Variants in SGPP2 observed in about 807,000 individuals in gnomAD.
SGPP2 encodes sphingosine 1-phosphate phosphohydrolase 2.
Under a neutral mutation model 33.9 loss-of-function variants are expected in SGPP2, and 30 were observed. The ratio of observed to expected loss-of-function variants is 0.89; its 90% CI spans 0.66 to 1.20. The LOEUF (loss-of-function observed/expected upper bound fraction) is 1.20, where lower values mean the gene tolerates loss of function less well. Among genes scored for constraint, SGPP2 ranks in the 50% most tolerant of loss-of-function variants. The probability of loss-of-function intolerance (pLI) is 0.00; values close to 1 mark genes in which losing one functional copy is unlikely to be tolerated. For synonymous variants in SGPP2, 233 were observed against 225.0 expected, an observed-to-expected ratio of 1.04 and a Z score of -0.32; for missense variants, 458 against 532.1, an observed-to-expected ratio of 0.86 and a Z score of 1.37.
intron 4 of SGPP2, among the ~76,000 whole-genome samples, chr2:222,545,883 C>T (rs879446048): frequency 1.3e-4 from 20 of 152,260 alleles, no homozygotes; most frequent in Admixed American, 1.3e-3. Context: ...CCATCACAGC[C>T]ATAAAACTGC....
rs541030306 is a variant in SGPP2, at chr2:222,487,656, A to G, written c.378+12930A>G. Among the ~76,000 whole-genome samples, 3 of 152,140 alleles carry G rather than the reference A, an allele frequency of 2.0e-5. No homozygotes were observed. The South Asian group carries it at 6.2e-4, about 32-fold the overall frequency. ...GAGACCTGGAGTGAGCAAACGAGAC[A>G]TGGGGTTTTATTAGGGGCTTTCACA... is the stretch of plus-strand genomic sequence containing the variant. On this transcript the variant is annotated intron_variant, in intron 2 of 4. Transcript: ENST00000321276.
At chr2:222,542,254 A>G (rs558992695) in intron 4 of SGPP2, among the ~76,000 whole-genome samples, 2 of 152,230 alleles carry the variant, frequency 1.3e-5, no homozygotes, top group Admixed American at 1.3e-4. Flanking sequence ...CTCATTCATT[A>G]ATTTTTGTTG....
intron 1 of SGPP2, among the ~76,000 whole-genome samples, chr2:222,440,180 G>A (rs560783263): frequency 7.2e-5 from 11 of 152,316 alleles, no homozygotes; most frequent in Non-Finnish European, 1.3e-4. Context: ...CTGTGCTGCT[G>A]TTTCCAGAGC....
intron 1 of SGPP2, among the ~76,000 whole-genome samples, chr2:222,449,470 A>ATTT (rs11390234): frequency 1.8e-4 from 26 of 141,194 alleles, no homozygotes; most frequent in East Asian, 6.3e-4. Context: ...AGGTCAGCCA[A>ATTT]TTTTTTTTTT....
At chr2:222,456,314 G>A (rs930704475) in intron 1 of SGPP2, among the ~76,000 whole-genome samples, 21 of 152,208 alleles carry the variant, frequency 1.4e-4, no homozygotes, top group African/African-American at 4.8e-4. Flanking sequence ...AATTTTGTGT[G>A]ATGATGGACA....
At chr2:222,511,635 C>T (rs780376001) in intron 2 of SGPP2, among the ~76,000 whole-genome samples, 9 of 152,176 alleles carry the variant, frequency 5.9e-5, no homozygotes, top group African/African-American at 1.9e-4. Context: ...TTGAGTTAAT[C>T]GTTATACTCT....
intron 1 of SGPP2, chr2:222,452,328 A>AGGGGAGGAGG: frequency 1.5e-6 from 1 of 653,568 alleles, no homozygotes; most frequent in Non-Finnish European, 2.8e-6. Flanking sequence ...CCTATGAGGG[A>AGGGGAGGAGG]GGGGAGGAGG....
At chr2:222,539,791 A>G (rs1223699267) in intron 4 of SGPP2, among the ~76,000 whole-genome samples, 1 of 152,134 alleles carries the variant, frequency 6.6e-6, no homozygotes, top group Non-Finnish European at 1.5e-5. Flanking sequence ...TCTTTCCAAC[A>G]TCTTCAGTTC....
intron 4 of SGPP2, among the ~76,000 whole-genome samples, chr2:222,530,230 G>A (rs570427928): frequency 2.0e-5 from 3 of 152,276 alleles, no homozygotes; most frequent in East Asian, 3.9e-4. Context: ...ATGGTAAATG[G>A]CCATTGGTTC....
At chr2:222,444,755 T>C (rs1697374813) in intron 1 of SGPP2, among the ~76,000 whole-genome samples, 1 of 152,166 alleles carries the variant, frequency 6.6e-6, no homozygotes, top group East Asian at 1.9e-4. Flanking sequence ...TTGAAACTTA[T>C]CAAGGATAGA....
chr2:222,435,439 C>G lies in SGPP2; in HGVS notation c.219+10618C>G, dbSNP rs140462772. Among the ~76,000 whole-genome samples, 372 of 152,254 alleles carry G rather than the reference C, an allele frequency of 2.4e-3. 2 individuals carry two copies. The highest frequency in any genetic ancestry group is 8.5e-3 in the African/African-American group (355 of 41,542). On this transcript the variant is annotated intron_variant, in intron 1 of 4. Transcript: ENST00000321276. Reference sequence around the variant, plus strand: ...ACACCCAGGATCAATACTTTGTATCCTTCAATCCAATCAAGTTGACACTCA... The same window carrying G: ...ACACCCAGGATCAATACTTTGTATCGTTCAATCCAATCAAGTTGACACTCA...
chr2:222,425,127 G>C (rs1473865685), intron 1 of SGPP2, among the ~76,000 whole-genome samples: 2 of 152,258 alleles, frequency 1.3e-5, no homozygotes, highest in African/African-American at 4.8e-5. Context: ...ATATGTAAGA[G>C]TTACGTAATG....
intron 1 of SGPP2, among the ~76,000 whole-genome samples, chr2:222,450,527 T>G (rs778003507): frequency 1.8e-4 from 28 of 152,212 alleles, no homozygotes; most frequent in Non-Finnish European, 3.4e-4. Context: ...TACCCTCAGG[T>G]AGGTGGACAG....
chr2:222,556,317 C>T (rs574064992), intron 4 of SGPP2, among the ~76,000 whole-genome samples: 1 of 152,184 alleles, frequency 6.6e-6, no homozygotes, highest in South Asian at 2.1e-4. Flanking sequence ...AGGGAGGCTG[C>T]AGAGATGGTG....
At chr2:222,509,916 G>C (rs1034800557) in intron 2 of SGPP2, among the ~76,000 whole-genome samples, 10 of 152,144 alleles carry the variant, frequency 6.6e-5, no homozygotes, top group African/African-American at 2.2e-4. Context: ...CGTAGGCAGT[G>C]GGGCTAATTT....
chr2:222,458,257 G>A (rs956294152), intron 1 of SGPP2, among the ~76,000 whole-genome samples: 16 of 151,100 alleles, frequency 1.1e-4, no homozygotes, highest in Non-Finnish European at 1.5e-4. Flanking sequence ...GAGTCACTGC[G>A]TTGGCCAGGC....
chr2:222,457,771 A>G (rs975738518), intron 1 of SGPP2, among the ~76,000 whole-genome samples: 2 of 152,164 alleles, frequency 1.3e-5, no homozygotes, highest in African/African-American at 4.8e-5. Flanking sequence ...CCTCCAGTCT[A>G]GGGTAGTGCA....
At chr2:222,512,719 G>A (rs937328229) in intron 2 of SGPP2, among the ~76,000 whole-genome samples, 3 of 152,066 alleles carry the variant, frequency 2.0e-5, no homozygotes, top group Admixed American at 6.5e-5. Context: ...CATATAGTTG[G>A]AATCATACAG....
intron 1 of SGPP2, among the ~76,000 whole-genome samples, chr2:222,430,468 C>A (rs986578887): frequency 2.6e-5 from 4 of 152,184 alleles, no homozygotes; most frequent in Non-Finnish European, 5.9e-5. Flanking sequence ...GGAAGCATAG[C>A]TCTCTATTTC....
Sources: allele counts gnomAD v4.1 joint callset (sites outside exome capture counted in the v4.1 genomes callset), GRCh38; gene constraint gnomAD v4.1.1; transcripts MANE v1.5; gene names NCBI Gene and HGNC (gene_info 2026-07-23, HGNC 2026-07-21).